ANKH: variants seen among roughly 807,000 people sequenced by gnomAD.
ANKH encodes the protein ANKH inorganic pyrophosphate transport regulator.
In ANKH, 15 loss-of-function variants were observed where a neutral mutation model predicts 49.0. That is an observed-to-expected ratio of 0.31 (90% confidence interval 0.20 to 0.47). ANKH has a LOEUF of 0.47. Ranked by LOEUF, ANKH falls within the 20% of genes least tolerant of loss-of-function variation. The probability of loss-of-function intolerance (pLI) is 1.00; values close to 1 mark genes in which losing one functional copy is unlikely to be tolerated. For synonymous variants in ANKH, 273 were observed against 260.0 expected (o/e 1.05, Z -0.48); for missense variants, 429 against 652.0 (o/e 0.66, Z 3.72).
At chr5:14,801,977 T>C (rs180795386) in intron 1 of ANKH, among the ~76,000 whole-genome samples, 96 of 152,296 alleles carry the variant, frequency 6.3e-4, no homozygotes, top group African/African-American at 2.0e-3. Flanking sequence ...ACAGGATGCA[T>C]TTCCTACTGT....
intron 8 of ANKH, among the ~76,000 whole-genome samples, chr5:14,722,122 A>G (rs191135707): frequency 6.6e-6 from 1 of 152,292 alleles, no homozygotes. Flanking sequence ...AGTATCAGGA[A>G]CAGTGTCATT....
rs989200562 is a variant in ANKH, at chr5:14,741,448, G to C, written c.1011+379C>G. On this transcript the variant is annotated intron_variant, in intron 8 of 11. Transcript: ENST00000284268. ...ACATAACTGGAAAGGAAATTTTACT[G>C]GGGAACACTGAAGTAACGCGGATTA... The C allele has an allele frequency of 6.7e-5, 17 of 255,386 alleles. No individual in the cohort carries two copies. In the South Asian group the frequency reaches 6.9e-4, roughly 10 times the overall value. The allele number at this position is 255,386 out of a possible 1,614,324, so 15.8% of individuals were successfully genotyped here. A position where few individuals can be genotyped will look rare whatever the true frequency, so the allele number is the denominator to read the frequency against.
intron 4 of ANKH, among the ~76,000 whole-genome samples, chr5:14,753,154 G>C (rs564437142): frequency 2.0e-5 from 3 of 152,272 alleles, no homozygotes; most frequent in African/African-American, 7.2e-5. Context: ...GGGTTGGAAA[G>C]TAAGTGTGTA....
At chr5:14,718,276 T>TA (rs1169270523) in intron 8 of ANKH, among the ~76,000 whole-genome samples, 1 of 152,020 alleles carries the variant, frequency 6.6e-6, no homozygotes, top group Non-Finnish European at 1.5e-5. Context: ...AGGGCAGAGT[T>TA]ACTACAACTA....
chr5:14,809,354 A>AAAAAAAAAAAAAAAAAAAAAG (rs1561065397), intron 1 of ANKH, among the ~76,000 whole-genome samples: 4 of 130,266 alleles, frequency 3.1e-5, no homozygotes, highest in Non-Finnish European at 3.2e-5. Context: ...AAAAAAAAAA[A>AAAAAAAAAAAAAAAAAAAAAG]AAAGAAAAAA....
intron 1 of ANKH, among the ~76,000 whole-genome samples, chr5:14,818,933 T>A (rs532212638): frequency 4.8e-4 from 73 of 152,326 alleles, no homozygotes; most frequent in African/African-American, 1.5e-3. Flanking sequence ...GAGCTACTTT[T>A]GAAAAAAGCT....
chr5:14,865,233 C>A (rs1735609987), intron 1 of ANKH, among the ~76,000 whole-genome samples: 1 of 151,986 alleles, frequency 6.6e-6, no homozygotes, highest in Non-Finnish European at 1.5e-5. Context: ...GCACTCCAGC[C>A]TGGGCAACAA....
At chr5:14,730,354 G>A (rs1737957605) in intron 8 of ANKH, among the ~76,000 whole-genome samples, 2 of 152,130 alleles carry the variant, frequency 1.3e-5, no homozygotes, top group Non-Finnish European at 2.9e-5. Context: ...AAGAAATTAA[G>A]GGAAACAGAT....
intron 1 of ANKH, among the ~76,000 whole-genome samples, chr5:14,814,589 C>T (rs923106100): frequency 6.6e-6 from 1 of 152,190 alleles, no homozygotes; most frequent in Admixed American, 6.5e-5. Context: ...CTGGGCAATG[C>T]AGTGAGACCT....
chr5:14,753,140 T>A (rs1738773681), intron 4 of ANKH, among the ~76,000 whole-genome samples: 1 of 151,918 alleles, frequency 6.6e-6, no homozygotes, highest in Non-Finnish European at 1.5e-5. Context: ...ATTGGGAGGA[T>A]GCAGGGTTGG....
intron 1 of ANKH, among the ~76,000 whole-genome samples, chr5:14,814,535 G>A (rs1479190404): frequency 1.3e-5 from 2 of 152,240 alleles, no homozygotes; most frequent in African/African-American, 4.8e-5. Context: ...GAGCCTGGGA[G>A]GTTGAGGCTG....
At chr5:14,721,236 G>A (rs1245029272) in intron 8 of ANKH, among the ~76,000 whole-genome samples, 2 of 152,142 alleles carry the variant, frequency 1.3e-5, no homozygotes, top group African/African-American at 2.4e-5. Flanking sequence ...AAAATTCCAC[G>A]GTATGATCCA....
intron 11 of ANKH, 128 bp downstream of exon 11, chr5:14,712,746 G>A: frequency 4.3e-6 from 4 of 936,922 alleles, no homozygotes; most frequent in Non-Finnish European, 6.7e-6. Context: ...TAAGCCACGA[G>A]ACTGGGCAGT....
At chr5:14,769,543 C>T (rs1262871781) in intron 1 of ANKH, among the ~76,000 whole-genome samples, 1 of 152,032 alleles carries the variant, frequency 6.6e-6, no homozygotes, top group African/African-American at 2.4e-5. Flanking sequence ...GCTGAATTGA[C>T]ATAATGGCAA....
rs1737308861 is a variant in ANKH, at chr5:14,713,261, G to A, written c.1265+283C>T. On this transcript the variant is annotated intron_variant, in intron 10 of 11. Coordinates refer to ENST00000284268, the MANE Select transcript of ANKH (RefSeq NM_054027.6). This position sits in a 1 kb window ranked among gnomAD's most constrained non-coding sequence, Gnocchi z 4.4. ...CGCAGGGACCATGTCCTTCTCTTCT[G>A]GTTTTCATGTCCAGCATACGTTCAA... 6.6e-6 allele frequency among the ~76,000 whole-genome samples: 1 copy of A among 152,144 alleles called. No individual in the cohort carries two copies. Among genetic ancestry groups the A allele is most frequent in the South Asian group, 2.1e-4 (1 of 4,830 alleles).
chr5:14,745,557 A>C lies in ANKH; in HGVS notation c.915+313T>G, dbSNP rs1273888657. Among the ~76,000 whole-genome samples, 1 of 152,204 alleles carries C rather than the reference A, an allele frequency of 6.6e-6. No homozygotes were observed. Among genetic ancestry groups the C allele is most frequent in the Non-Finnish European group, 1.5e-5 (1 of 68,042 alleles). ...TAAAGAAACAAACCACAGAAATAAAATCCCATAAATTGATTTTGGGGGAAG... is the reference window on the plus strand; with the variant it reads ...TAAAGAAACAAACCACAGAAATAAACTCCCATAAATTGATTTTGGGGGAAG... On this transcript the variant is annotated intron_variant, in intron 7 of 11. Transcript: ENST00000284268. The surrounding 1 kb of genome is among the most constrained non-coding windows in gnomAD (Gnocchi z 4.7).
intron 1 of ANKH, among the ~76,000 whole-genome samples, chr5:14,840,695 A>G (rs1025647886): frequency 6.6e-6 from 1 of 152,220 alleles, no homozygotes; most frequent in African/African-American, 2.4e-5. Flanking sequence ...ACACATTTTC[A>G]AATTATCTGC....
chr5:14,760,702 C>T (rs191816177), intron 2 of ANKH, among the ~76,000 whole-genome samples: 64 of 152,298 alleles, frequency 4.2e-4, no homozygotes, highest in Admixed American at 1.1e-3. Context: ...AGTAGAGCAA[C>T]GAACACAATG....
chr5:14,835,172 A>T (rs1198197761), intron 1 of ANKH, among the ~76,000 whole-genome samples: 1 of 152,174 alleles, frequency 6.6e-6, no homozygotes, highest in African/African-American at 2.4e-5. Context: ...GAGCTCGTTA[A>T]ATTTTAAAGT....
Sources: allele counts gnomAD v4.1 joint callset (sites outside exome capture counted in the v4.1 genomes callset), GRCh38; gene constraint gnomAD v4.1.1; non-coding constraint Gnocchi (gnomAD v3.1); transcripts MANE v1.5; gene names NCBI Gene and HGNC (gene_info 2026-07-23, HGNC 2026-07-21).